Variants in DNAH6 observed in about 807,000 individuals in gnomAD.
The protein encoded by DNAH6 is axonemal beta dynein heavy chain 6.
A neutral mutation model predicts 491.4 loss-of-function variants in DNAH6; 340 were observed. The ratio of observed to expected loss-of-function variants is 0.69; its 90% CI spans 0.63 to 0.76. DNAH6 has a LOEUF of 0.76. DNAH6 is among the 30% of genes least tolerant of loss of function. The probability of loss-of-function intolerance (pLI) is 0.00; values close to 1 mark genes in which losing one functional copy is unlikely to be tolerated. For synonymous variants in DNAH6, 1,603 were observed against 1,686.1 expected (o/e 0.95, Z 1.21); for missense variants, 4,443 against 4,972.2 (o/e 0.89, Z 3.20).
At chr2:84,519,501 G>T (rs1472689323) in intron 2 of DNAH6, among the ~76,000 whole-genome samples, 5 of 152,028 alleles carry the variant, frequency 3.3e-5, no homozygotes, top group African/African-American at 4.8e-5. Flanking sequence ...ACACCTGTGG[G>T]TGTCTGCAGT....
At chr2:84,812,622 GA>G in intron 73 of DNAH6, 96 bp downstream of exon 73, 1 of 976,710 alleles carries the variant, frequency 1.0e-6, no homozygotes, top group Non-Finnish European at 1.5e-6. Flanking sequence ...CACAGTCACT[GA>G]TGGATAATCT....
At chr2:84,569,154 A>G (rs1265855162) in intron 11 of DNAH6, among the ~76,000 whole-genome samples, 6 of 152,196 alleles carry the variant, frequency 3.9e-5, no homozygotes, top group Admixed American at 3.3e-4. Flanking sequence ...AAATTATTGA[A>G]TAATCTATGG....
chr2:84,577,216 A>G (rs1682534316), intron 12 of DNAH6, 41 bp from the exon 13 acceptor site: 3 of 1,270,158 alleles, frequency 2.4e-6, no homozygotes, highest in Non-Finnish European at 3.2e-6. Flanking sequence ...TTAAAATCCA[A>G]TATGGTATAT....
At chr2:84,612,739 T>C (rs1197241470) in intron 22 of DNAH6, among the ~76,000 whole-genome samples, 1 of 152,074 alleles carries the variant, frequency 6.6e-6, no homozygotes, top group African/African-American at 2.4e-5. Flanking sequence ...TAATGGCCCA[T>C]GTATGATCGA....
chr2:84,512,300 AG>A (rs1159916203), upstream of DNAH6, among the ~76,000 whole-genome samples: 1 of 152,190 alleles, frequency 6.6e-6, no homozygotes, highest in African/African-American at 2.4e-5. Context: ...GCATCTGGTA[AG>A]GGACCTCATG....
At chr2:84,556,190 A>T (rs1416868432) in intron 10 of DNAH6, among the ~76,000 whole-genome samples, 3 of 152,204 alleles carry the variant, frequency 2.0e-5, no homozygotes, top group Non-Finnish European at 4.4e-5. Flanking sequence ...TCCTGAGAAA[A>T]TTCCTGTTCA....
the DNAH6 span, among the ~76,000 whole-genome samples, chr2:84,494,549 A>G: frequency 6.6e-6 from 1 of 152,230 alleles, no homozygotes; most frequent in Non-Finnish European, 1.5e-5. Flanking sequence ...GGAGGGAGAG[A>G]TTTAAAGAAG....
chr2:84,485,214 G>A, the DNAH6 span, among the ~76,000 whole-genome samples: 5 of 152,112 alleles, frequency 3.3e-5, no homozygotes, highest in Admixed American at 1.3e-4. Flanking sequence ...CCGATGGGGG[G>A]TTTGTATGTA....
intron 62 of DNAH6, among the ~76,000 whole-genome samples, chr2:84,736,325 G>T (rs992291323): frequency 3.3e-5 from 5 of 151,986 alleles, no homozygotes; most frequent in Admixed American, 1.3e-4. Context: ...TTGGCTGTTT[G>T]GGCATATTTT....
intron 29 of DNAH6, among the ~76,000 whole-genome samples, chr2:84,626,875 G>T (rs1351000800): frequency 2.6e-5 from 4 of 152,116 alleles, no homozygotes; most frequent in Non-Finnish European, 4.4e-5. Context: ...CAAAGTGCTG[G>T]GATTACAGGC....
At chr2:84,760,755 A>T (rs189704451) in intron 63 of DNAH6, among the ~76,000 whole-genome samples, 188 of 152,088 alleles carry the variant, frequency 1.2e-3, no homozygotes, top group Admixed American at 2.4e-3. Context: ...ATTTAAAAAA[A>T]TTTTTTTTGA....
chr2:84,613,904 G>A (rs1057181360), intron 22 of DNAH6, among the ~76,000 whole-genome samples: 15 of 151,964 alleles, frequency 9.9e-5, no homozygotes, highest in African/African-American at 3.1e-4. Context: ...TAATGCCAAA[G>A]CTTTTAAAAT....
At chr2:84,605,245 C>A (rs1407349262) in intron 19 of DNAH6, among the ~76,000 whole-genome samples, 1 of 149,876 alleles carries the variant, frequency 6.7e-6, no homozygotes, top group Admixed American at 6.7e-5. Flanking sequence ...CCCAGCTACT[C>A]GGGAGGCTGA....
chr2:84,802,063 C>T (rs1346241510), intron 70 of DNAH6, among the ~76,000 whole-genome samples: 1 of 151,954 alleles, frequency 6.6e-6, no homozygotes, highest in Non-Finnish European at 1.5e-5. Flanking sequence ...TAAGGGAATC[C>T]TAAACATAGA....
At chr2:84,550,948 G>A (rs577842186) in intron 9 of DNAH6, among the ~76,000 whole-genome samples, 24 of 152,296 alleles carry the variant, frequency 1.6e-4, no homozygotes, top group African/African-American at 5.3e-4. Flanking sequence ...GGATGAAGTA[G>A]TACAAATTCG....
At chr2:84,475,723 G>A in the DNAH6 span, among the ~76,000 whole-genome samples, 1 of 152,162 alleles carries the variant, frequency 6.6e-6, no homozygotes, top group Non-Finnish European at 1.5e-5. Flanking sequence ...ATCGTCATAT[G>A]CAAGAAGCTG....
rs910800650 is a variant in DNAH6, at chr2:84,579,518, C to T, written c.2077-9C>T. The T allele has an allele frequency of 6.2e-7, 1 of 1,612,440 alleles. No individual in the cohort carries two copies. Among genetic ancestry groups the T allele is most frequent in the Admixed American group, 1.7e-5 (1 of 59,918 alleles). On this transcript the variant is annotated splice_polypyrimidine_tract_variant and intron_variant, in intron 13 of 76. Transcript: ENST00000389394. ...ACTATTTACAATTCACACGGTGTTT[C>T]TTTCTTAGGTGCTAAATTTTATGCT...
intron 60 of DNAH6, among the ~76,000 whole-genome samples, chr2:84,725,098 A>G (rs1340843679): frequency 6.6e-6 from 1 of 152,218 alleles, no homozygotes; most frequent in Non-Finnish European, 1.5e-5. Context: ...CACCAATCCC[A>G]TATCCCCAAT....
intron 19 of DNAH6, 24 bp downstream of exon 19, chr2:84,604,575 C>T (rs1685572945): frequency 6.6e-7 from 1 of 1,504,140 alleles, no homozygotes; most frequent in South Asian, 1.2e-5. Context: ...ATATATTTAT[C>T]TATATACCAT....
Sources: allele counts gnomAD v4.1 joint callset (sites outside exome capture counted in the v4.1 genomes callset), GRCh38; gene constraint gnomAD v4.1.1; transcripts MANE v1.5; gene names NCBI Gene and HGNC (gene_info 2026-07-23, HGNC 2026-07-21).